Variants in ATXN2 observed in about 807,000 individuals in gnomAD.
ATXN2 encodes ataxin-2.
In ATXN2, 37 loss-of-function variants were observed where a neutral mutation model predicts 138.6. The ratio of observed to expected loss-of-function variants is 0.27; its 90% CI spans 0.21 to 0.35. The LOEUF is 0.35. ATXN2 is among the 10% of genes least tolerant of loss of function. The pLI is 1.00. For synonymous variants in ATXN2, 549 were observed against 543.7 expected (o/e 1.01, Z -0.13); for missense variants, 1,216 against 1,480.3 (o/e 0.82, Z 2.93).
intron 7 of ATXN2, 133 bp from the exon 8 acceptor site, chr12:111,520,209 CTAAAAG>C: frequency 1.7e-6 from 2 of 1,196,454 alleles, no homozygotes; most frequent in Non-Finnish European, 2.3e-6. Context: ...AAAACTAAAA[CTAAAAG>C]TTATAGTGAT....
chr12:111,554,529 T>C (rs1162093260), intron 2 of ATXN2, among the ~76,000 whole-genome samples: 2 of 152,202 alleles, frequency 1.3e-5, no homozygotes, highest in African/African-American at 4.8e-5. Context: ...AATATTTTGC[T>C]TCCATAGAGA....
intron 5 of ATXN2, among the ~76,000 whole-genome samples, chr12:111,529,466 T>A (rs1288445602): frequency 6.6e-6 from 1 of 152,142 alleles, no homozygotes; most frequent in African/African-American, 2.4e-5. Flanking sequence ...TATAAAAGCC[T>A]CTAGACTAGC....
chr12:111,582,249 A>C (rs1884046324), intron 1 of ATXN2, among the ~76,000 whole-genome samples: 1 of 151,988 alleles, frequency 6.6e-6, no homozygotes, highest in Admixed American at 6.6e-5. Flanking sequence ...TTTGAGACCA[A>C]CCTGGGCAAC....
chr12:111,581,113 G>A (rs1883975670), intron 1 of ATXN2, among the ~76,000 whole-genome samples: 1 of 142,886 alleles, frequency 7.0e-6, no homozygotes, highest in Non-Finnish European at 1.5e-5. Flanking sequence ...TCTAGGCTCG[G>A]CAACAGAGCG....
At chr12:111,534,877 G>A (rs1394195512) in intron 5 of ATXN2, among the ~76,000 whole-genome samples, 1 of 152,172 alleles carries the variant, frequency 6.6e-6, no homozygotes, top group African/African-American at 2.4e-5. Context: ...ACTCACACCT[G>A]TAATCCCAGC....
At chr12:111,595,949 G>A (rs1341710652) in intron 1 of ATXN2, among the ~76,000 whole-genome samples, 1 of 151,844 alleles carries the variant, frequency 6.6e-6, no homozygotes, top group African/African-American at 2.4e-5. Context: ...TGTAATCCCA[G>A]CACTTTGGGA....
rs1180127004 is a variant in ATXN2 at position 111,483,226 on chromosome 12, CACACACACACACAA to C, written c.2524+2025_2524+2038del. ...ACACACACACACACACACACACACACACACACACACACAAAACACCCAAAAAAACACATTGAGGA... is the reference window on the plus strand; with the variant it reads ...ACACACACACACACACACACACACACAACACCCAAAAAAACACATTGAGGA... On this transcript the variant is annotated intron_variant, in intron 18 of 24. Transcript: ENST00000673436. Among the ~76,000 whole-genome samples the C allele has an allele frequency of 1.5e-3, 227 of 148,730 alleles. 3 individuals carry two copies. Among genetic ancestry groups the C allele is most frequent in the African/African-American group, 5.3e-3 (214 of 40,518 alleles).
chr12:111,567,792 C>T (rs1883096816), intron 1 of ATXN2, among the ~76,000 whole-genome samples: 1 of 151,782 alleles, frequency 6.6e-6, no homozygotes. Context: ...CCAGCCTGGG[C>T]AACAGACTGT....
chr12:111,517,232 C>T (rs1262344308), intron 9 of ATXN2, among the ~76,000 whole-genome samples: 1 of 152,144 alleles, frequency 6.6e-6, no homozygotes, highest in Non-Finnish European at 1.5e-5. Context: ...TAGGGTTCCA[C>T]ACACTTAAGT....
At chr12:111,539,933 A>AC (rs1881408201) in intron 5 of ATXN2, among the ~76,000 whole-genome samples, 1 of 150,344 alleles carries the variant, frequency 6.7e-6, no homozygotes, top group African/African-American at 2.4e-5. Context: ...ACCTATGGCA[A>AC]AAGTGTTCAG....
chr12:111,584,961 T>C (rs1168539628), intron 1 of ATXN2, among the ~76,000 whole-genome samples: 8 of 151,994 alleles, frequency 5.3e-5, no homozygotes. Flanking sequence ...TCAAAAACAA[T>C]TATTTCAATA....
At chr12:111,555,827 A>C in intron 2 of ATXN2, 56 bp downstream of exon 2, 529 of 1,403,006 alleles carry the variant, frequency 3.8e-4, no homozygotes, top group Non-Finnish European at 4.8e-4. Context: ...GTCTGTGGTT[A>C]GAGATCATGT....
At chr12:111,473,740 T>A (rs1468510350) in intron 18 of ATXN2, among the ~76,000 whole-genome samples, 1 of 149,418 alleles carries the variant, frequency 6.7e-6, no homozygotes, top group Non-Finnish European at 1.5e-5. Context: ...TCACTGAAAG[T>A]ACACACATCT....
intron 16 of ATXN2, 50 bp downstream of exon 16, chr12:111,486,711 A>G: frequency 6.7e-7 from 1 of 1,483,164 alleles, no homozygotes; most frequent in Non-Finnish European, 9.4e-7. Context: ...ATTACTAATA[A>G]TTTTTCTTTT....
chr12:111,504,786 C>T (rs1212870519), intron 14 of ATXN2, among the ~76,000 whole-genome samples: 1 of 152,100 alleles, frequency 6.6e-6, no homozygotes, highest in Non-Finnish European at 1.5e-5. Context: ...GGGCTGAGCA[C>T]CAAGTCACTC....
Position 111,530,942 on chromosome 12 carries a change from A to G in ATXN2, c.572-5626T>C, listed in dbSNP as rs922528792. On this transcript the variant is annotated intron_variant, in intron 5 of 24. Transcript: ENST00000673436. ...GGAGTTCGAGACCAGCCTGACCAAC[A>G]TGGAGAAACCCCCATCTCTACTAAA... 3.3e-5 allele frequency among the ~76,000 whole-genome samples: 5 copies of G among 151,188 alleles called. No homozygotes were observed. In the South Asian group the frequency reaches 1.0e-3, roughly 32 times the overall value.
chr12:111,463,236 G>C (rs1875727379), intron 21 of ATXN2, among the ~76,000 whole-genome samples: 1 of 152,096 alleles, frequency 6.6e-6, no homozygotes, highest in Non-Finnish European at 1.5e-5. Flanking sequence ...ATTTCTAAAG[G>C]ATTTCTACAA....
intron 5 of ATXN2, among the ~76,000 whole-genome samples, chr12:111,531,653 A>G (rs1375699089): frequency 6.6e-6 from 1 of 152,276 alleles, no homozygotes; most frequent in East Asian, 1.9e-4. Flanking sequence ...ACAAAGAAAC[A>G]AGTTGGGGAT....
chr12:111,525,384 T>C, intron 5 of ATXN2, 68 bp from the exon 6 acceptor site: 2 of 1,398,332 alleles, frequency 1.4e-6, no homozygotes, highest in Non-Finnish European at 1.9e-6. Context: ...ACACGTGAAT[T>C]ACCAACAAAG....
Sources: gnomAD v4.1 joint callset for allele counts (sites outside exome capture counted in the v4.1 genomes callset) on GRCh38, gnomAD v4.1.1 for gene constraint, MANE v1.5 for transcripts, NCBI Gene and HGNC (gene_info 2026-07-23, HGNC 2026-07-21) for gene names.